Variants in SH3RF3 observed in about 807,000 individuals in gnomAD.
SH3RF3 encodes the protein E3 ubiquitin-protein ligase SH3RF3.
In SH3RF3, 29 loss-of-function variants were observed where a neutral mutation model predicts 66.3. The ratio of observed to expected loss-of-function variants is 0.44; its 90% CI spans 0.33 to 0.60. SH3RF3 has a LOEUF of 0.60. Among genes scored for constraint, SH3RF3 ranks in the 20% least tolerant of loss-of-function variants. The probability of loss-of-function intolerance (pLI) is 0.04; values close to 1 mark genes in which losing one functional copy is unlikely to be tolerated. For missense variants in SH3RF3, 1,194 were observed against 1,190.9 expected, an observed-to-expected ratio of 1.00 and a Z score of -0.04; for synonymous variants, 583 against 532.0, an observed-to-expected ratio of 1.10 and a Z score of -1.32.
At chr2:109,291,443 A>G (rs1341481191) in intron 1 of SH3RF3, among the ~76,000 whole-genome samples, 2 of 152,214 alleles carry the variant, frequency 1.3e-5, no homozygotes, top group Admixed American at 6.5e-5. Context: ...GCTGCCGTGC[A>G]GGAGTCAGAT....
At chr2:109,357,740 T>G (rs570063548) in intron 2 of SH3RF3, among the ~76,000 whole-genome samples, 67 of 152,324 alleles carry the variant, frequency 4.4e-4, no homozygotes, top group African/African-American at 1.5e-3. Context: ...GTGGTGCTAT[T>G]TTAGATTTTT....
chr2:109,474,355 T>A (rs986952202), intron 8 of SH3RF3, among the ~76,000 whole-genome samples: 31 of 152,110 alleles, frequency 2.0e-4, no homozygotes, highest in African/African-American at 7.5e-4. Context: ...CTGTGAGCCA[T>A]TTGGGCTGTA....
At chr2:109,501,135 TCCTGACCCTCCCCCGCCCCTGCC>T (rs1357493629) in intron 9 of SH3RF3, among the ~76,000 whole-genome samples, 11 of 152,048 alleles carry the variant, frequency 7.2e-5, no homozygotes, top group African/African-American at 1.9e-4. Flanking sequence ...ACACAGTTTT[TCCTGACCCTCCCCCGCCCCTGCC>T]CCTGGGAGGC....
At chr2:109,342,498 G>A (rs149017343) in intron 1 of SH3RF3, among the ~76,000 whole-genome samples, 24 of 152,338 alleles carry the variant, frequency 1.6e-4, no homozygotes, top group African/African-American at 5.5e-4. Flanking sequence ...GGTGAGAGCC[G>A]TGACAAGTGC....
intron 6 of SH3RF3, among the ~76,000 whole-genome samples, chr2:109,432,880 C>T (rs531701206): frequency 6.6e-6 from 1 of 152,254 alleles, no homozygotes; most frequent in Non-Finnish European, 1.5e-5. Flanking sequence ...CTGTCCTCAG[C>T]AGACATTGGC....
chr2:109,143,763 A>AAAAC lies in SH3RF3; in HGVS notation c.573+13670_573+13673dup, dbSNP rs140368471. Reference sequence around the variant, plus strand: ...AGTGACACCCTGTCTGAAACAAAACAAAACAAACAAACAAACAAACAAAAG... The same window carrying AAAAC: ...AGTGACACCCTGTCTGAAACAAAACAAAACAAACAAACAAACAAACAAACAAAAG... On this transcript the variant is annotated intron_variant, in intron 1 of 9. Coordinates refer to ENST00000309415, the MANE Select transcript of SH3RF3 (RefSeq NM_001099289.3). Among the ~76,000 whole-genome samples, 52 of 151,120 alleles carry AAAAC rather than the reference A, an allele frequency of 3.4e-4. No individual in the cohort carries two copies. The East Asian group carries it at 7.4e-3, about 21-fold the overall frequency.
intron 1 of SH3RF3, among the ~76,000 whole-genome samples, chr2:109,149,338 T>C (rs10177478): frequency 0.69 from 104,402 of 152,180 alleles, 36,746 homozygotes; most frequent in Non-Finnish European, 0.72. Flanking sequence ...TGAGCTCCTC[T>C]ACTCCATTTA....
chr2:109,212,221 C>A (rs1679001963), intron 1 of SH3RF3, among the ~76,000 whole-genome samples: 1 of 152,138 alleles, frequency 6.6e-6, no homozygotes, highest in Non-Finnish European at 1.5e-5. Context: ...TTTTCTTCCT[C>A]CTCTTCTTGA....
intron 3 of SH3RF3, among the ~76,000 whole-genome samples, chr2:109,383,048 TGGAGGAAA>T (rs974529488): frequency 1.4e-4 from 21 of 152,232 alleles, no homozygotes; most frequent in African/African-American, 5.1e-4. Flanking sequence ...TAAAGAAGTT[TGGAGGAAA>T]CCGGTGTCAG....
intron 1 of SH3RF3, among the ~76,000 whole-genome samples, chr2:109,275,037 C>G (rs143758555): frequency 6.6e-6 from 1 of 152,114 alleles, no homozygotes; most frequent in South Asian, 2.1e-4. Flanking sequence ...TTATAGATTA[C>G]CATAATGTAA....
intron 1 of SH3RF3, among the ~76,000 whole-genome samples, chr2:109,341,681 T>G (rs1682555951): frequency 6.6e-6 from 1 of 152,200 alleles, no homozygotes; most frequent in African/African-American, 2.4e-5. Flanking sequence ...CCCTTTGCTC[T>G]GGGCATAATA....
At chr2:109,146,896 C>T (rs1371690583) in intron 1 of SH3RF3, among the ~76,000 whole-genome samples, 1 of 102,432 alleles carries the variant, frequency 9.8e-6, no homozygotes, top group Non-Finnish European at 1.9e-5. Flanking sequence ...CCCCCCCCCC[C>T]CCCCCGCCCC....
intron 1 of SH3RF3, among the ~76,000 whole-genome samples, chr2:109,290,663 A>G (rs532214513): frequency 1.3e-5 from 2 of 152,314 alleles, no homozygotes; most frequent in East Asian, 1.9e-4. Flanking sequence ...TGTTGTATCC[A>G]TGGTCTTTGG....
chr2:109,401,401 AAG>A (rs1407162145), intron 4 of SH3RF3, among the ~76,000 whole-genome samples: 3 of 152,140 alleles, frequency 2.0e-5, no homozygotes, highest in Admixed American at 2.0e-4. Context: ...TTCCTCCTAG[AAG>A]AGCAAAGGCC....
At chr2:109,202,314 G>T in intron 1 of SH3RF3, among the ~76,000 whole-genome samples, 1 of 152,160 alleles carries the variant, frequency 6.6e-6, no homozygotes, top group Non-Finnish European at 1.5e-5. Flanking sequence ...GGGGAGCGAT[G>T]GATAATGAAA....
intron 1 of SH3RF3, among the ~76,000 whole-genome samples, chr2:109,241,625 C>G (rs1679784531): frequency 1.3e-5 from 2 of 152,112 alleles, no homozygotes; most frequent in African/African-American, 4.8e-5. Context: ...GCTGGGAGGG[C>G]CCCTGGGACT....
At chr2:109,453,596 T>C (rs1677950806) in intron 8 of SH3RF3, among the ~76,000 whole-genome samples, 1 of 152,134 alleles carries the variant, frequency 6.6e-6, no homozygotes, top group Non-Finnish European at 1.5e-5. Flanking sequence ...CTCACTCTCT[T>C]ACTTGTGCCC....
intron 4 of SH3RF3, among the ~76,000 whole-genome samples, chr2:109,416,816 G>A (rs894148199): frequency 2.7e-5 from 4 of 150,316 alleles, no homozygotes; most frequent in Non-Finnish European, 4.4e-5. Flanking sequence ...TAAGTCGGGA[G>A]AATCGCCTGA....
chr2:109,501,691 C>T lies in SH3RF3; in HGVS notation c.*20C>T, dbSNP rs369993437. Reference sequence around the variant, plus strand: ...TTCTGAGAACTGGTGCTCCCTGCACCCAGCTCACAGAGGGGGAGGCCGCCT... The same window carrying T: ...TTCTGAGAACTGGTGCTCCCTGCACTCAGCTCACAGAGGGGGAGGCCGCCT... On this transcript the variant is annotated 3_prime_UTR_variant, in exon 10 of 10. Coordinates refer to ENST00000309415, the MANE Select transcript of SH3RF3 (RefSeq NM_001099289.3). 31 of 743,628 alleles carry T rather than the reference C, an allele frequency of 4.2e-5. No individual in the cohort carries two copies. The highest frequency in any genetic ancestry group is 3.6e-4 in the African/African-American group (21 of 58,324). 46.1% of individuals were successfully genotyped at this position (743,628 alleles called of 1,614,324 possible). A position where few individuals can be genotyped will look rare whatever the true frequency, so the allele number is the denominator to read the frequency against.
Sources: allele counts gnomAD v4.1 joint callset (sites outside exome capture counted in the v4.1 genomes callset), GRCh38; gene constraint gnomAD v4.1.1; transcripts MANE v1.5; gene names NCBI Gene and HGNC (gene_info 2026-07-23, HGNC 2026-07-21).